Variants in KDM4B observed in about 807,000 individuals in gnomAD.
The protein encoded by KDM4B is lysine demethylase 4B.
KDM4B carries 32 observed loss-of-function variants against 125.2 expected under a neutral mutation model. The ratio of observed to expected loss-of-function variants is 0.26; its 90% CI spans 0.19 to 0.34. The LOEUF is 0.34. Ranked by LOEUF, KDM4B falls within the 10% of genes least tolerant of loss-of-function variation. KDM4B has a pLI of 1.00. For synonymous variants in KDM4B, 721 were observed against 677.9 expected (o/e 1.06, Z -0.99); for missense variants, 1,190 against 1,577.7 (o/e 0.75, Z 4.16).
intron 2 of KDM4B, among the ~76,000 whole-genome samples, chr19:5,031,164 G>A (rs914352126): frequency 6.6e-6 from 1 of 152,242 alleles, no homozygotes; most frequent in Non-Finnish European, 1.5e-5. Context: ...GGCAGGTGCA[G>A]CGTTGGGGGG....
intron 6 of KDM4B, among the ~76,000 whole-genome samples, chr19:5,056,073 T>C (rs1306891732): frequency 6.6e-6 from 1 of 152,208 alleles, no homozygotes; most frequent in Non-Finnish European, 1.5e-5. Context: ...GTGTGTTTGA[T>C]GCCCTGGACA....
At chr19:5,105,845 G>A (rs1434677213) in intron 9 of KDM4B, among the ~76,000 whole-genome samples, 1 of 152,174 alleles carries the variant, frequency 6.6e-6, no homozygotes, top group Non-Finnish European at 1.5e-5. Flanking sequence ...ACACAGCTGT[G>A]GATGATACAT....
intron 9 of KDM4B, among the ~76,000 whole-genome samples, chr19:5,103,072 G>A (rs2038968791): frequency 6.6e-6 from 1 of 152,236 alleles, no homozygotes; most frequent in Admixed American, 6.5e-5. Flanking sequence ...GGGCAGATGT[G>A]TGGGGCAGTT....
chr19:5,026,871 A>G (rs2036295591), intron 2 of KDM4B, among the ~76,000 whole-genome samples: 1 of 152,028 alleles, frequency 6.6e-6, no homozygotes, highest in Non-Finnish European at 1.5e-5. Flanking sequence ...ATAGGAGCTG[A>G]CTGCCGCCCC....
At chr19:5,123,844 A>G (rs1244430641) in intron 11 of KDM4B, among the ~76,000 whole-genome samples, 1 of 152,074 alleles carries the variant, frequency 6.6e-6, no homozygotes, top group East Asian at 1.9e-4. Flanking sequence ...GGAGACGGTG[A>G]GCCCCAGGCG....
chr19:5,009,455 G>T (rs10407399), intron 1 of KDM4B, among the ~76,000 whole-genome samples: 46,540 of 152,048 alleles, frequency 0.31, 7,338 homozygotes, highest in Non-Finnish European at 0.34. Flanking sequence ...TGTCCACTTG[G>T]TTTCTGATCA....
intron 1 of KDM4B, among the ~76,000 whole-genome samples, chr19:4,989,496 G>A (rs1202324655): frequency 1.3e-5 from 2 of 151,146 alleles, no homozygotes; most frequent in African/African-American, 4.9e-5. Flanking sequence ...GCACCACCAC[G>A]CCCAGCTAAT....
At position 5,133,998 on chromosome 19, in the gene KDM4B, C is replaced by A; in HGVS notation, c.2022C>A (p.Asn674Lys). 2 of 1,611,974 alleles carry A rather than the reference C, an allele frequency of 1.2e-6. No homozygotes were observed. The highest frequency in any genetic ancestry group is 1.7e-6 in the Non-Finnish European group (2 of 1,179,864). Residue 674 changes from asparagine to lysine, a missense_variant, in exon 14 of 23, where the codon AAC becomes AAA. Asn to Lys is a moderately conservative substitution (Grantham distance 94). Around this residue, in one of 7 missense-constraint regions of KDM4B, gnomAD observed 128 missense variants for 137.8 expected, o/e 0.93. Transcript: ENST00000159111. The part of the protein sequence containing the change: ...AASFQAERKF[N>K]AAAARTEPYC... ...GCTTCCAGGCCGAGAGGAAGTTCAA[C>A]GCAGCGGCTGCGCGCACGGAGCCCT... is the stretch of plus-strand genomic sequence containing the variant.
At chr19:4,969,704 C>T (rs928073866) in intron 1 of KDM4B, among the ~76,000 whole-genome samples, 3 of 151,964 alleles carry the variant, frequency 2.0e-5, no homozygotes, top group Admixed American at 6.5e-5. Context: ...GTTTCTGGCC[C>T]TTTGGGCGCC....
intron 9 of KDM4B, among the ~76,000 whole-genome samples, chr19:5,083,867 C>A (rs2038383651): frequency 2.0e-5 from 3 of 152,196 alleles, no homozygotes; most frequent in African/African-American, 7.2e-5. Flanking sequence ...ATGGCAGATT[C>A]TTCTCAGATC....
At chr19:5,091,888 T>C (rs2038715259) in intron 9 of KDM4B, among the ~76,000 whole-genome samples, 2 of 151,144 alleles carry the variant, frequency 1.3e-5, no homozygotes, top group South Asian at 2.1e-4. Flanking sequence ...TATGGCGTTG[T>C]GGGGCTGGAC....
intron 9 of KDM4B, among the ~76,000 whole-genome samples, chr19:5,099,450 A>G (rs952885593): frequency 1.3e-5 from 2 of 152,222 alleles, no homozygotes; most frequent in African/African-American, 4.8e-5. Flanking sequence ...CCATTTGACC[A>G]AAGGGCAAGA....
rs181122658 is a variant in KDM4B, at chr19:4,973,878, C to G, written c.-109+4648C>G. 8.6e-4 allele frequency among the ~76,000 whole-genome samples: 130 copies of G among 151,666 alleles called. 2 individuals are homozygous for G. Among genetic ancestry groups the G allele is most frequent in the African/African-American group, 2.7e-3 (110 of 41,312 alleles). On this transcript the variant is annotated intron_variant, in intron 1 of 22. Transcript: ENST00000159111. The stretch of plus-strand genomic sequence containing the variant: ...GGTGCGGTGGCTCATGCCTGTAATC[C>G]CAGCACTTTGGGAGGCTGAGGCGGG...
chr19:5,041,718 C>T (rs2036824585), intron 5 of KDM4B, among the ~76,000 whole-genome samples: 2 of 152,232 alleles, frequency 1.3e-5, no homozygotes, highest in East Asian at 1.9e-4. Context: ...GTCCTCTTGT[C>T]CACACAGCCT....
At position 5,118,852 on chromosome 19, in the gene KDM4B, G is replaced by A. The variant is rs115972188; in HGVS notation, c.1116-801G>A. On this transcript the variant is annotated intron_variant, in intron 10 of 22. Transcript: ENST00000159111. ...TGTACCCCAGGATTGTGGGTGTCCA[G>A]GTTGGGCATGCAGGATGCGCCTCCT... is the stretch of plus-strand genomic sequence containing the variant. Among the ~76,000 whole-genome samples, 447 of 152,354 alleles carry A rather than the reference G, an allele frequency of 2.9e-3. 5 individuals are homozygous for A. Among genetic ancestry groups the A allele is most frequent in the African/African-American group, 0.01 (425 of 41,584 alleles).
intron 2 of KDM4B, among the ~76,000 whole-genome samples, chr19:5,028,357 T>C (rs1225282380): frequency 6.6e-6 from 1 of 152,174 alleles, no homozygotes; most frequent in East Asian, 1.9e-4. Flanking sequence ...GTGTCTGGCT[T>C]CTCTCACTGT....
chr19:5,015,844 C>G (rs1301664246), intron 1 of KDM4B, among the ~76,000 whole-genome samples: 1 of 152,248 alleles, frequency 6.6e-6, no homozygotes, highest in East Asian at 1.9e-4. Flanking sequence ...CTGCCCCCCT[C>G]TCTCCCCGTG....
chr19:5,026,571 G>T (rs1415458609), intron 2 of KDM4B, among the ~76,000 whole-genome samples: 1 of 152,116 alleles, frequency 6.6e-6, no homozygotes, highest in Non-Finnish European at 1.5e-5. Flanking sequence ...TCCCAGAACC[G>T]AAACTCTGCC....
At chr19:5,072,302 G>T (rs933539356) in intron 7 of KDM4B, among the ~76,000 whole-genome samples, 5 of 152,212 alleles carry the variant, frequency 3.3e-5, no homozygotes, top group Non-Finnish European at 7.3e-5. Flanking sequence ...AGGAAATGTT[G>T]CCCAAGCGCG....
Sources: allele counts gnomAD v4.1 joint callset (sites outside exome capture counted in the v4.1 genomes callset), GRCh38; gene constraint gnomAD v4.1.1; regional missense constraint gnomAD v4.1.1; transcripts MANE v1.5; gene names NCBI Gene and HGNC (gene_info 2026-07-23, HGNC 2026-07-21).